GCN1: variants seen among roughly 807,000 people sequenced by gnomAD.
The protein encoded by GCN1 is GCN1 activator of EIF2AK4.
GCN1 carries 90 observed loss-of-function variants against 288.4 expected under a neutral mutation model. The observed-to-expected ratio is 0.31, with a 90% CI of 0.26 to 0.37. GCN1 has a LOEUF of 0.37. Ranked by LOEUF, GCN1 falls within the 10% of genes least tolerant of loss-of-function variation. The pLI, the probability that GCN1 is intolerant of heterozygous loss-of-function variation, is 1.00. For synonymous variants in GCN1, 1,386 were observed against 1,420.2 expected, an observed-to-expected ratio of 0.98 and a Z score of 0.54; for missense variants, 2,586 against 3,419.9, an observed-to-expected ratio of 0.76 and a Z score of 6.08.
In GCN1 at chr12:120,159,006, C is replaced by T. The variant is rs1339606350; in HGVS notation, c.2750-391G>A. ...CAGCCTGGGTGACAGAGTAAGACTC[C>T]GTCTCAAAAAAAAAAAAAAAAATCT... On this transcript the variant is annotated intron_variant, in intron 24 of 57. Coordinates refer to ENST00000300648, the MANE Select transcript of GCN1 (RefSeq NM_006836.2). Among the ~76,000 whole-genome samples the T allele has an allele frequency of 4.0e-5, 6 of 148,510 alleles. No homozygotes were observed. In the East Asian group the frequency reaches 5.9e-4, roughly 14 times the overall value.
At chr12:120,162,125 C>G (rs762457045) in intron 20 of GCN1, 67 bp from the exon 21 acceptor site, 2 of 1,313,390 alleles carry the variant, frequency 1.5e-6, no homozygotes, top group African/African-American at 2.9e-5. Context: ...TCCACCACAC[C>G]TGAATGCCCC....
rs1299443910 is a variant in GCN1 at position 120,191,940 on chromosome 12, A to T, written c.19-1540T>A. On this transcript the variant is annotated intron_variant, in intron 1 of 57. Transcript: ENST00000300648. ...CACCACAGCTCCCTTTCCTGCTGTG[A>T]CCCCATCGCACACCCTCCCCATTTC... 2.0e-5 allele frequency among the ~76,000 whole-genome samples: 3 copies of T among 152,242 alleles called. No individual in the cohort carries two copies. The East Asian group carries it at 5.8e-4, about 29-fold the overall frequency.
At chr12:120,187,895 A>AC (rs1241519650) in intron 2 of GCN1, among the ~76,000 whole-genome samples, 2 of 151,596 alleles carry the variant, frequency 1.3e-5, no homozygotes, top group Non-Finnish European at 3.0e-5. Context: ...ATGAAAAAAA[A>AC]AAAAAACAAA....
chr12:120,135,998 CAG>C (rs1876991046), intron 51 of GCN1, among the ~76,000 whole-genome samples: 1 of 151,924 alleles, frequency 6.6e-6, no homozygotes, highest in African/African-American at 2.4e-5. Flanking sequence ...CTCTGGGTGA[CAG>C]AGTTAGACTC....
intron 9 of GCN1, 22 bp from the exon 10 acceptor site, chr12:120,176,239 G>A: frequency 1.3e-6 from 2 of 1,494,818 alleles, no homozygotes; most frequent in Non-Finnish European, 1.9e-6. Flanking sequence ...AGAAAGCACT[G>A]ACCATGTCAG....
At chr12:120,150,335 AC>A (rs1214489918) in intron 34 of GCN1, among the ~76,000 whole-genome samples, 10 of 149,152 alleles carry the variant, frequency 6.7e-5, no homozygotes, top group African/African-American at 2.5e-4. Flanking sequence ...GGTGGCTCAC[AC>A]CCATAATCCC....
Position 120,134,135 on chromosome 12 carries a change from G to A in GCN1, c.7317+156C>T, listed in dbSNP as rs955604600. Among the ~76,000 whole-genome samples, 1 of 152,122 alleles carries A rather than the reference G, an allele frequency of 6.6e-6. No homozygotes were observed. Among genetic ancestry groups the A allele is most frequent in the African/African-American group, 2.4e-5 (1 of 41,422 alleles). On this transcript the variant is annotated intron_variant, in intron 53 of 57. Coordinates refer to ENST00000300648, the MANE Select transcript of GCN1 (RefSeq NM_006836.2). This position sits in a 1 kb window ranked among gnomAD's most constrained non-coding sequence, Gnocchi z 5.0. The stretch of plus-strand genomic sequence containing the variant: ...CTGCCCCGTTTCCCTTGAAACCCGA[G>A]GAAATGTTGGTGAAGCATACAGGGT...
intron 16 of GCN1, among the ~76,000 whole-genome samples, chr12:120,167,889 C>T (rs1878184691): frequency 6.6e-6 from 1 of 151,972 alleles, no homozygotes; most frequent in African/African-American, 2.4e-5. Context: ...TGCCAGACTC[C>T]ACAAGAGCTT....
chr12:120,135,834 T>C (rs1876984869), intron 51 of GCN1, among the ~76,000 whole-genome samples: 1 of 151,876 alleles, frequency 6.6e-6, no homozygotes, highest in Non-Finnish European at 1.5e-5. Context: ...ACCAGCCTGG[T>C]GAAACCCTGT....
chr12:120,168,544 C>A, intron 15 of GCN1: 1 of 434,878 alleles, frequency 2.3e-6, no homozygotes, highest in Non-Finnish European at 4.2e-6. Flanking sequence ...CCGGAATTCC[C>A]ATCCACCCCA....
At chr12:120,161,192 A>G (rs1048732963) in intron 22 of GCN1, among the ~76,000 whole-genome samples, 6 of 152,194 alleles carry the variant, frequency 3.9e-5, no homozygotes, top group African/African-American at 1.4e-4. Context: ...CCAGTCTTCA[A>G]GGAAGTGGAG....
At position 120,138,036 on chromosome 12, in the gene GCN1, C is replaced by A. The variant is rs201106728; in HGVS notation, c.6258G>T (p.Thr2086=). Residue 2086 remains threonine, a synonymous_variant, in exon 48 of 58, where the codon ACG becomes ACT. Transcript: ENST00000300648. ...CCAGCACCCGGGTGTTGACAGGTGG[C>A]GTTGTCAGCTGGTGGAATGACAAAC... The part of the protein sequence containing the change: ...VLPYLVPKLT[T]PPVNTRVLAF... 4 of 1,612,386 alleles carry A rather than the reference C, an allele frequency of 2.5e-6. No homozygotes were observed. Among genetic ancestry groups the A allele is most frequent in the Non-Finnish European group, 3.4e-6 (4 of 1,179,226 alleles).
rs774269450 is a variant in GCN1, at chr12:120,134,402, G to C, written c.7206C>G (p.Asp2402Glu). 1 of 1,612,268 alleles carries C rather than the reference G, an allele frequency of 6.2e-7. No individual in the cohort carries two copies. The highest frequency in any genetic ancestry group is 1.7e-5 in the Admixed American group (1 of 60,014). ...CAAACCTCAGGGCCTGCAGCATGGT[G>C]TCCCTGCAGAAGCAATGCACCGCCT... is the stretch of plus-strand genomic sequence containing the variant. ...IRAMEDPGVRDTMLQALRFVI... is the reference protein window; with the variant it reads ...IRAMEDPGVRETMLQALRFVI... The change falls in exon 53 of 58, where the codon GAC becomes GAG. Residue 2402 changes from aspartate to glutamate, a missense_variant. This residue lies in a region of GCN1 where 355 missense variants were observed against 431.1 expected (regional missense o/e 0.82). Coordinates refer to ENST00000300648, the MANE Select transcript of GCN1 (RefSeq NM_006836.2). This position sits in a 1 kb window ranked among gnomAD's most constrained non-coding sequence, Gnocchi z 5.0.
chr12:120,169,052 T>C (rs958886743), intron 15 of GCN1, among the ~76,000 whole-genome samples: 14 of 151,856 alleles, frequency 9.2e-5, no homozygotes, highest in African/African-American at 2.4e-4. Context: ...TCCCAGCACA[T>C]TGGGAGGCTG....
At chr12:120,170,439 T>C (rs1878279992) in intron 14 of GCN1, 118 bp from the exon 15 acceptor site, 1 of 824,394 alleles carries the variant, frequency 1.2e-6, no homozygotes, top group Non-Finnish European at 1.9e-6. Flanking sequence ...AGTTAATTTT[T>C]CAAATATCTC....
chr12:120,168,151 A>G, intron 16 of GCN1, 57 bp downstream of exon 16: 1 of 1,075,252 alleles, frequency 9.3e-7, no homozygotes, highest in Non-Finnish European at 1.5e-6. Flanking sequence ...CTCTCTGAAG[A>G]TTTTCCAAAG....
In GCN1 at chr12:120,127,563, C is replaced by A; in HGVS notation, c.*286G>T. Reference sequence around the variant, plus strand: ...ACAGTCTGACCCTGCTATTATAGTTCCAGACCTAGCCATGCTAAACTGGAC... The same window carrying A: ...ACAGTCTGACCCTGCTATTATAGTTACAGACCTAGCCATGCTAAACTGGAC... On this transcript the variant is annotated 3_prime_UTR_variant, in exon 58 of 58. Transcript: ENST00000300648. 1 of 345,698 alleles carries A rather than the reference C, an allele frequency of 2.9e-6. No homozygotes were observed. The highest frequency in any genetic ancestry group is 5.5e-6 in the Non-Finnish European group (1 of 181,840). The allele number at this position is 345,698 out of a possible 1,614,324, so 21.4% of individuals were successfully genotyped here. A position where few individuals can be genotyped will look rare whatever the true frequency, so the allele number is the denominator to read the frequency against.
chr12:120,190,441 A>G (rs773807109), intron 1 of GCN1, 41 bp from the exon 2 acceptor site: 32 of 1,059,950 alleles, frequency 3.0e-5, no homozygotes, highest in Middle Eastern at 4.0e-4. Context: ...TAGTCAGACT[A>G]TAAAACTATG....
rs768846797 is a variant in GCN1 at position 120,174,088 on chromosome 12, G to T, written c.1175C>A (p.Pro392Gln). The change falls in exon 13 of 58, where the codon CCG becomes CAG. Residue 392 changes from proline to glutamine, a missense_variant. Transcript: ENST00000300648. ...LNGIVAELFIPFLQQEVHEGT... is the reference protein window; with the variant it reads ...LNGIVAELFIQFLQQEVHEGT... ...AGAATTACCTTCCTGCTGAAGGAAC[G>T]GGATGAACAGCTCAGCCACGATCCC... The T allele has an allele frequency of 1.3e-6, 2 of 1,592,268 alleles. No homozygotes were observed. The highest frequency in any genetic ancestry group is 2.2e-5 in the East Asian group (1 of 44,774).
Sources: allele counts gnomAD v4.1 joint callset (sites outside exome capture counted in the v4.1 genomes callset), GRCh38; gene constraint gnomAD v4.1.1; regional missense constraint gnomAD v4.1.1; non-coding constraint Gnocchi (gnomAD v3.1); transcripts MANE v1.5; gene names NCBI Gene and HGNC (gene_info 2026-07-23, HGNC 2026-07-21).